Variants in C12orf42 observed in about 807,000 individuals in gnomAD.
The protein encoded by C12orf42 is uncharacterized protein C12orf42.
C12orf42 carries 25 observed loss-of-function variants against 21.6 expected under a neutral mutation model. That is an observed-to-expected ratio of 1.16 (90% confidence interval 0.84 to 1.62). The LOEUF (loss-of-function observed/expected upper bound fraction) is 1.62. C12orf42 is among the 40% of genes most tolerant of loss of function. The pLI, the probability that C12orf42 is intolerant of heterozygous loss-of-function variation, is 0.00. For missense variants in C12orf42, 483 were observed against 459.3 expected (o/e 1.05, Z -0.47); for synonymous variants, 174 against 175.0 (o/e 0.99, Z 0.05).
chr12:103,425,244 T>C (rs1042693862), intron 2 of C12orf42, among the ~76,000 whole-genome samples: 1 of 151,902 alleles, frequency 6.6e-6, no homozygotes, highest in African/African-American at 2.4e-5. Flanking sequence ...GGGGAAGGGG[T>C]GGCTGTGGGC....
At chr12:103,480,709 A>T (rs1044258864) in intron 1 of C12orf42, among the ~76,000 whole-genome samples, 3 of 151,718 alleles carry the variant, frequency 2.0e-5, no homozygotes, top group Non-Finnish European at 4.4e-5. Flanking sequence ...TTTCCCAATT[A>T]TCTTTTTGCT....
the C12orf42 span, among the ~76,000 whole-genome samples, chr12:103,113,273 G>C: frequency 6.6e-6 from 1 of 152,072 alleles, no homozygotes; most frequent in Non-Finnish European, 1.5e-5. Context: ...TACTGCTTTC[G>C]GCGTCCTTCC....
intron 4 of C12orf42, among the ~76,000 whole-genome samples, chr12:103,294,411 A>AAGAAAGAG (rs777688141): frequency 2.9e-5 from 4 of 139,088 alleles, no homozygotes; most frequent in Admixed American, 7.3e-5. Context: ...GAAAGAAAGA[A>AAGAAAGAG]AGAGAGAAAG....
the C12orf42 span, among the ~76,000 whole-genome samples, chr12:103,195,326 G>T: frequency 6.6e-6 from 1 of 152,106 alleles, no homozygotes; most frequent in Non-Finnish European, 1.5e-5. Flanking sequence ...GGAATTGCTG[G>T]GTTGAATGAT....
chr12:103,123,375 C>T, the C12orf42 span, among the ~76,000 whole-genome samples: 9 of 152,102 alleles, frequency 5.9e-5, no homozygotes, highest in East Asian at 9.6e-4. Context: ...GCAGGAACTC[C>T]GTTCCCAAGA....
chr12:103,441,898 T>A (rs1951271006), intron 2 of C12orf42, among the ~76,000 whole-genome samples: 1 of 152,050 alleles, frequency 6.6e-6, no homozygotes. Context: ...ATCCCAACAT[T>A]TTGGGAAGTC....
the C12orf42 span, among the ~76,000 whole-genome samples, chr12:103,115,031 C>T: frequency 6.6e-6 from 1 of 152,198 alleles, no homozygotes; most frequent in Non-Finnish European, 1.5e-5. Flanking sequence ...ACTTCAGTCT[C>T]CCTGATAAAG....
chr12:103,092,991 A>C, the C12orf42 span, among the ~76,000 whole-genome samples: 110 of 152,226 alleles, frequency 7.2e-4, 2 homozygotes, highest in Middle Eastern at 3.4e-3. Flanking sequence ...TAGGGCTATA[A>C]CTTTGGCATC....
chr12:103,229,653 T>A, the C12orf42 span, among the ~76,000 whole-genome samples: 3 of 152,216 alleles, frequency 2.0e-5, no homozygotes, highest in Admixed American at 6.5e-5. Context: ...CTTCCACATT[T>A]TTATTTTCCA....
intron 2 of C12orf42, among the ~76,000 whole-genome samples, chr12:103,419,466 G>C (rs774463812): frequency 6.6e-6 from 1 of 152,024 alleles, no homozygotes; most frequent in Non-Finnish European, 1.5e-5. Context: ...GATGGGTGAC[G>C]AGACAGGAAG....
chr12:103,354,506 A>G (rs2043356668), intron 4 of C12orf42, among the ~76,000 whole-genome samples: 1 of 152,136 alleles, frequency 6.6e-6, no homozygotes, highest in Admixed American at 6.6e-5. Context: ...GAAATCTGAA[A>G]GTTTGTGAGG....
At chr12:103,480,515 C>G (rs1391042491) in intron 1 of C12orf42, among the ~76,000 whole-genome samples, 1 of 151,098 alleles carries the variant, frequency 6.6e-6, no homozygotes, top group Non-Finnish European at 1.5e-5. Context: ...TTCTGCTATT[C>G]TTGTGTTTTT....
the C12orf42 span, among the ~76,000 whole-genome samples, chr12:103,100,133 C>G: frequency 4.6e-5 from 7 of 152,228 alleles, no homozygotes; most frequent in African/African-American, 1.7e-4. Context: ...TCTGTCTGTT[C>G]AGATACCCAA....
chr12:103,147,623 CTTTTT>C, the C12orf42 span, among the ~76,000 whole-genome samples: 31 of 99,314 alleles, frequency 3.1e-4, no homozygotes, highest in African/African-American at 1.0e-3. Flanking sequence ...TTCTCTCTCT[CTTTTT>C]TTTTTTTTTT....
intron 3 of C12orf42, among the ~76,000 whole-genome samples, chr12:103,379,666 A>T (rs897475597): frequency 6.6e-6 from 1 of 152,244 alleles, no homozygotes; most frequent in African/African-American, 2.4e-5. Flanking sequence ...CACTTTGCCC[A>T]CACTGGATAT....
At chr12:103,289,067 A>C (rs1237938272) in intron 4 of C12orf42, among the ~76,000 whole-genome samples, 1 of 152,158 alleles carries the variant, frequency 6.6e-6, no homozygotes, top group African/African-American at 2.4e-5. Context: ...TGGAAAAACA[A>C]ACTGAGCAGT....
At chr12:103,077,465 C>G in the C12orf42 span, among the ~76,000 whole-genome samples, 5 of 152,150 alleles carry the variant, frequency 3.3e-5, no homozygotes, top group African/African-American at 1.2e-4. Flanking sequence ...AACCAAAGCA[C>G]AGAGAAGTTA....
At chr12:103,355,721 C>G (rs956270972) in intron 4 of C12orf42, among the ~76,000 whole-genome samples, 3 of 152,014 alleles carry the variant, frequency 2.0e-5, no homozygotes, top group Admixed American at 2.0e-4. Context: ...GTTTGAGCAC[C>G]ATGACTCTAG....
the C12orf42 span, among the ~76,000 whole-genome samples, chr12:103,161,197 GA>G: frequency 1.9e-3 from 282 of 152,256 alleles, 1 homozygote; most frequent in African/African-American, 6.6e-3. Context: ...AAGTCTTGAG[GA>G]AAATCTTCAC....
Sources: allele counts gnomAD v4.1 joint callset (sites outside exome capture counted in the v4.1 genomes callset), GRCh38; gene constraint gnomAD v4.1.1; transcripts MANE v1.5; gene names NCBI Gene and HGNC (gene_info 2026-07-23, HGNC 2026-07-21).